The following MKLN1 variants were observed in gnomAD, a reference collection of about 807,000 sequenced individuals.
The protein encoded by MKLN1 is muskelin.
MKLN1 carries 18 observed loss-of-function variants against 99.0 expected under a neutral mutation model. That is an observed-to-expected ratio of 0.18 (90% CI 0.13 to 0.27). MKLN1 has a LOEUF of 0.27. Ranked by LOEUF, MKLN1 falls within the 10% of genes least tolerant of loss-of-function variation. MKLN1 has a pLI of 1.00. For synonymous variants in MKLN1, 288 were observed against 293.2 expected (o/e 0.98, Z 0.18); for missense variants, 621 against 875.9 (o/e 0.71, Z 3.67).
intron 3 of MKLN1, among the ~76,000 whole-genome samples, chr7:131,291,712 C>A (rs1798220553): frequency 6.9e-6 from 1 of 145,734 alleles, no homozygotes; most frequent in Admixed American, 6.9e-5. Context: ...ACAGCTGCTC[C>A]AGTTGGATGA....
At chr7:131,129,182 T>C (rs981532208) in intron 1 of MKLN1, among the ~76,000 whole-genome samples, 6 of 152,168 alleles carry the variant, frequency 3.9e-5, no homozygotes, top group African/African-American at 1.4e-4. Flanking sequence ...TCTTTGTGCC[T>C]AGCAAATTGT....
At chr7:131,369,117 T>C (rs1800269573) in intron 1 of MKLN1, among the ~76,000 whole-genome samples, 1 of 152,182 alleles carries the variant, frequency 6.6e-6, no homozygotes, top group South Asian at 2.1e-4. Flanking sequence ...TGTTTTATAA[T>C]GATAGTATAA....
intron 1 of MKLN1, among the ~76,000 whole-genome samples, chr7:131,114,482 G>A (rs1795244772): frequency 6.6e-6 from 1 of 152,150 alleles, no homozygotes; most frequent in Admixed American, 6.5e-5. Flanking sequence ...AGAAAGGAAA[G>A]AAGAGGATCT....
At chr7:131,289,409 T>C (rs1563280485) in intron 3 of MKLN1, among the ~76,000 whole-genome samples, 1 of 152,194 alleles carries the variant, frequency 6.6e-6, no homozygotes, top group African/African-American at 2.4e-5. Flanking sequence ...GAGGATCCCT[T>C]GAGGCCAGGA....
intron 1 of MKLN1, among the ~76,000 whole-genome samples, chr7:131,371,603 C>G (rs1209362023): frequency 6.6e-6 from 1 of 151,948 alleles, no homozygotes; most frequent in Non-Finnish European, 1.5e-5. Flanking sequence ...CTGTTTGGCC[C>G]CCTTGATTTT....
intron 9 of MKLN1, among the ~76,000 whole-genome samples, chr7:131,437,069 T>G (rs1234929302): frequency 6.6e-6 from 1 of 152,076 alleles, no homozygotes; most frequent in African/African-American, 2.4e-5. Flanking sequence ...GATTTTATTT[T>G]TTTTATTTTT....
intron 12 of MKLN1, among the ~76,000 whole-genome samples, chr7:131,448,592 T>C (rs1478218638): frequency 2.0e-5 from 3 of 152,256 alleles, no homozygotes; most frequent in Non-Finnish European, 4.4e-5. Flanking sequence ...TGTATAAAAG[T>C]TGATACAAGT....
intron 1 of MKLN1, among the ~76,000 whole-genome samples, chr7:131,111,767 CGCAT>C (rs1795204850): frequency 1.7e-5 from 1 of 59,496 alleles, no homozygotes; most frequent in African/African-American, 5.0e-5. Context: ...TAAAATGAAA[CGCAT>C]AAATAAATAA....
intron 2 of MKLN1, among the ~76,000 whole-genome samples, chr7:131,171,423 T>C (rs575711205): frequency 6.6e-6 from 1 of 152,216 alleles, no homozygotes; most frequent in Non-Finnish European, 1.5e-5. Context: ...CAGTTTTTAC[T>C]GTATGTATAC....
At position 131,493,752 on chromosome 7, in the gene MKLN1, TTGC is replaced by T. The variant is rs2116734758; in HGVS notation, c.*6028_*6030del. The stretch of plus-strand genomic sequence containing the variant: ...TTGCTTATTCACTGAGTTTAAGCTC[TTGC>T]TGCAACATAGCTCTGTACCATCTGG... On this transcript the variant is annotated 3_prime_UTR_variant, in exon 18 of 18. Transcript: ENST00000352689. 6.6e-6 allele frequency: 1 copy of T among 152,356 alleles called. No individual in the cohort carries two copies. Among genetic ancestry groups the T allele is most frequent in the South Asian group, 2.1e-4 (1 of 4,826 alleles). 9.4% of individuals were successfully genotyped at this position (152,356 alleles called of 1,614,324 possible).
intron 6 of MKLN1, among the ~76,000 whole-genome samples, chr7:131,409,092 CTCACATGGT>C (rs1563333878): frequency 6.6e-6 from 1 of 152,130 alleles, no homozygotes; most frequent in Non-Finnish European, 1.5e-5. Context: ...AATTTTTGAA[CTCACATGGT>C]TCACAGGCAT....
At chr7:131,268,251 G>C (rs999464562) in intron 3 of MKLN1, among the ~76,000 whole-genome samples, 35 of 152,162 alleles carry the variant, frequency 2.3e-4, no homozygotes, top group Admixed American at 2.3e-3. Flanking sequence ...CCTTGATGTT[G>C]AGCTTGGCTG....
intron 3 of MKLN1, among the ~76,000 whole-genome samples, chr7:131,312,253 C>T (rs10264049): frequency 1.3e-5 from 2 of 152,126 alleles, no homozygotes; most frequent in African/African-American, 4.8e-5. Flanking sequence ...AAACTCCTGA[C>T]CTCAGGTGAT....
In MKLN1 at chr7:131,151,764, G is replaced by A. The variant is rs150657388; in HGVS notation, c.-297+8823G>A. ...GTCACCCATAATTCTATCACTCAGAGATATCATCATTAAAATTTTGTTTTA... is the reference window on the plus strand; with the variant it reads ...GTCACCCATAATTCTATCACTCAGAAATATCATCATTAAAATTTTGTTTTA... On this transcript the variant is annotated intron_variant, in intron 2 of 7. Coordinates refer to the MKLN1 transcript ENST00000416992. Among the ~76,000 whole-genome samples the A allele has an allele frequency of 3.7e-4, 57 of 152,192 alleles. No individual in the cohort carries two copies. In the East Asian group the frequency reaches 0.01, roughly 28 times the overall value.
rs975346892 is a variant in MKLN1, at chr7:131,400,539, A to G, written c.703+1106A>G. ...AAAAAATATATATATATATATATAT[A>G]TGCCATTTCTAGGAGTGAATTCTGT... On this transcript the variant is annotated intron_variant, in intron 6 of 17. Transcript: ENST00000352689. 9.8e-4 allele frequency among the ~76,000 whole-genome samples: 144 copies of G among 147,660 alleles called. 1 individual carries two copies. Among genetic ancestry groups the G allele is most frequent in the South Asian group, 2.3e-3 (11 of 4,732 alleles).
chr7:131,308,985 A>C (rs966571416), intron 3 of MKLN1, among the ~76,000 whole-genome samples: 1 of 152,216 alleles, frequency 6.6e-6, no homozygotes, highest in Non-Finnish European at 1.5e-5. Flanking sequence ...GGGTCACTAG[A>C]GCTGGTGTGT....
intron 1 of MKLN1, among the ~76,000 whole-genome samples, chr7:131,129,820 C>T (rs533480979): frequency 8.6e-4 from 131 of 152,276 alleles, no homozygotes; most frequent in Middle Eastern, 3.4e-3. Context: ...AAGGGATCAT[C>T]CTGCCTCGGC....
chr7:131,401,261 CT>C (rs1794535556), intron 6 of MKLN1, among the ~76,000 whole-genome samples: 1 of 152,046 alleles, frequency 6.6e-6, no homozygotes, highest in South Asian at 2.1e-4. Context: ...CTGTAATAGG[CT>C]TTTTGTTTGT....
At chr7:131,233,952 A>G (rs1486739959) in intron 3 of MKLN1, among the ~76,000 whole-genome samples, 2 of 152,090 alleles carry the variant, frequency 1.3e-5, no homozygotes, top group Non-Finnish European at 1.5e-5. Flanking sequence ...AATAAAAAAG[A>G]AAGCATTTTT....
Sources: gnomAD v4.1 joint callset for allele counts (sites outside exome capture counted in the v4.1 genomes callset) on GRCh38, gnomAD v4.1.1 for gene constraint, MANE v1.5 for transcripts, NCBI Gene and HGNC (gene_info 2026-07-23, HGNC 2026-07-21) for gene names.